The following ADAMTS14 variants were observed in gnomAD, a reference collection of about 807,000 sequenced individuals.
ADAMTS14 encodes the protein ADAM metallopeptidase with thrombospondin type 1 motif 14, also known as A disintegrin and metalloproteinase with thrombospondin motifs 14.
ADAMTS14 carries 100 observed loss-of-function variants against 128.6 expected under a neutral mutation model. The observed-to-expected ratio is 0.78, with a 90% CI of 0.66 to 0.92. The LOEUF is 0.92. Ranked by LOEUF, ADAMTS14 falls within the 40% of genes least tolerant of loss-of-function variation. The pLI is 0.00. For missense variants in ADAMTS14, 1,562 were observed against 1,658.6 expected, an observed-to-expected ratio of 0.94 and a Z score of 1.01; for synonymous variants, 665 against 653.8, an observed-to-expected ratio of 1.02 and a Z score of -0.26.
At chr10:70,716,843 C>T (rs1348996664) in intron 4 of ADAMTS14, among the ~76,000 whole-genome samples, 2 of 152,174 alleles carry the variant, frequency 1.3e-5, no homozygotes, top group Non-Finnish European at 2.9e-5. Context: ...GCCCTGGGCA[C>T]TGCTGTCAGG....
At chr10:70,704,310 T>G (rs1378180880) in intron 3 of ADAMTS14, among the ~76,000 whole-genome samples, 3 of 151,968 alleles carry the variant, frequency 2.0e-5, no homozygotes, top group Non-Finnish European at 4.4e-5. Context: ...CAGCTGCTGC[T>G]TCCTGAAAAG....
rs147807298 is a variant in ADAMTS14 at position 70,753,820 on chromosome 10, G to A, written c.2750G>A (p.Gly917Asp). ...TCCAGGTGGGTGACGGAGGAGTGGG[G>A]TGCCTGCAGCCGGAGCTGTGGGAAG... The part of the protein sequence containing the change: ...SQPVWVTEEW[G>D]ACSRSCGKLG... The change falls in exon 19 of 22, where the codon GGT (glycine) becomes GAT (aspartate). Residue 917 changes from glycine (G) to aspartate (D), a missense_variant. Coordinates refer to ENST00000373207, the MANE Select transcript of ADAMTS14 (RefSeq NM_080722.4). The A allele has an allele frequency of 3.6e-5, 57 of 1,585,642 alleles. 1 individual carries two copies. The African/African-American group carries it at 7.2e-4, about 20-fold the overall frequency.
intron 7 of ADAMTS14, among the ~76,000 whole-genome samples, chr10:70,732,763 C>A (rs1841688540): frequency 6.6e-6 from 1 of 152,204 alleles, no homozygotes; most frequent in African/African-American, 2.4e-5. Flanking sequence ...TGATCCAGCC[C>A]ACCCTGATAC....
chr10:70,703,983 T>G (rs1840574314), intron 3 of ADAMTS14, among the ~76,000 whole-genome samples: 1 of 152,218 alleles, frequency 6.6e-6, no homozygotes, highest in South Asian at 2.1e-4. Flanking sequence ...GAGCCCAGTG[T>G]GGGGAGAAGC....
intron 2 of ADAMTS14, among the ~76,000 whole-genome samples, chr10:70,700,221 G>A (rs1840453175): frequency 6.6e-6 from 1 of 152,056 alleles, no homozygotes; most frequent in South Asian, 2.1e-4. Context: ...TTTTTGTCCA[G>A]GTTTGGGCTC....
chr10:70,707,401 A>G (rs1840700047), intron 3 of ADAMTS14, among the ~76,000 whole-genome samples: 1 of 152,176 alleles, frequency 6.6e-6, no homozygotes, highest in Admixed American at 6.5e-5. Flanking sequence ...ATGAGTATCA[A>G]AGCTTCAGAG....
In ADAMTS14 at chr10:70,730,109, G is replaced by A; in HGVS notation, c.962G>A (p.Ser321Asn). The A allele has an allele frequency of 6.2e-7, 1 of 1,603,730 alleles. No individual in the cohort carries two copies. The highest frequency in any genetic ancestry group is 8.5e-7 in the Non-Finnish European group (1 of 1,177,906). The change falls in exon 6 of 22, where the codon AGC (serine) becomes AAC (asparagine). Residue 321 changes from serine to asparagine, a missense_variant. Physicochemically the swap from Ser to Asn is conservative, Grantham distance 46 (BLOSUM62 1). Coordinates refer to ENST00000373207, the MANE Select transcript of ADAMTS14 (RefSeq NM_080722.4). ...CTCTCCCGGCCCCTGCAGTCCCTGA[G>A]CCTGATCGAGCGCGGGAACCCCTCA... is the stretch of plus-strand genomic sequence containing the variant. ...LIMVGYRQSLSLIERGNPSRS... is the reference protein window; with the variant it reads ...LIMVGYRQSLNLIERGNPSRS...
At chr10:70,694,719 C>A (rs572697309) in intron 2 of ADAMTS14, among the ~76,000 whole-genome samples, 1 of 152,276 alleles carries the variant, frequency 6.6e-6, no homozygotes, top group South Asian at 2.1e-4. Context: ...TACTTCATTC[C>A]TTTCTACGGC....
At position 70,744,081 on chromosome 10, in the gene ADAMTS14, A is replaced by T; in HGVS notation, c.2074A>T (p.Lys692Ter). 6.4e-7 allele frequency: 1 copy of T among 1,564,450 alleles called. No individual in the cohort carries two copies. The highest frequency in any genetic ancestry group is 1.4e-5 in the African/African-American group (1 of 73,732). The change falls in exon 14 of 22, where the codon AAG becomes TAG. Residue 692 changes from lysine to a stop codon, truncating the protein, a stop_gained. Coordinates refer to ENST00000373207, the MANE Select transcript of ADAMTS14 (RefSeq NM_080722.4). LOFTEE classifies it high-confidence loss of function. ...RGECVPVGCD[K>*]EVGSMKADDK... ...CTGGCCTCAGCCTGTCGGCTGTGAC[A>T]AGGAGGTGGGGTCCATGAAGGCGGA...
chr10:70,753,918 A>G lies in ADAMTS14; in HGVS notation c.2848A>G (p.Lys950Glu), dbSNP rs1357153956. The G allele has an allele frequency of 1.9e-6, 3 of 1,591,440 alleles. No homozygotes were observed. The highest frequency in any genetic ancestry group is 2.7e-5 in the African/African-American group (2 of 74,722). The change falls in exon 19 of 22, where the codon AAA (lysine) becomes GAA (glutamate). Residue 950 changes from lysine (K) to glutamate (E), a missense_variant. Lys to Glu is a moderately conservative substitution (Grantham distance 56). Transcript: ENST00000373207. The stretch of plus-strand genomic sequence containing the variant: ...TGGAACCCACAAGGTCATGCCGGCC[A>G]AAGCCTGCGCCGGGGACCGGCCTGA... ...SNGTHKVMPA[K>E]ACAGDRPEAR...
In ADAMTS14 at chr10:70,702,321, A is replaced by C. The variant is rs1840518809; in HGVS notation, c.532A>C (p.Ile178Leu). Residue 178 changes from isoleucine to leucine, a missense_variant, in exon 3 of 22, where the codon ATC (isoleucine) becomes CTC (leucine). Coordinates refer to ENST00000373207, the MANE Select transcript of ADAMTS14 (RefSeq NM_080722.4). The part of the protein sequence containing the change: ...ISNCDGLAGL[I>L]RTDSTDFFIE... Reference sequence around the variant, plus strand: ...GCCGTCCCTGGTTCAGGCGGGCCTCATCCGCACAGACAGCACCGACTTCTT... The same window carrying C: ...GCCGTCCCTGGTTCAGGCGGGCCTCCTCCGCACAGACAGCACCGACTTCTT... 1.9e-6 allele frequency: 3 copies of C among 1,614,042 alleles called. No individual in the cohort carries two copies. In the South Asian group the frequency reaches 3.3e-5, roughly 18 times the overall value.
intron 2 of ADAMTS14, among the ~76,000 whole-genome samples, chr10:70,683,172 C>T (rs77592844): frequency 0.06 from 9,090 of 152,292 alleles, 527 homozygotes; most frequent in African/African-American, 0.16. Flanking sequence ...AGTCACTCTC[C>T]GTGGGCCGAG....
chr10:70,735,660 CT>C (rs1329349106), intron 9 of ADAMTS14, among the ~76,000 whole-genome samples: 1 of 152,222 alleles, frequency 6.6e-6, no homozygotes, highest in Non-Finnish European at 1.5e-5. Flanking sequence ...TGTGCCAAGT[CT>C]TTCAGTCTAA....
chr10:70,709,962 G>C (rs1840794022), intron 4 of ADAMTS14, among the ~76,000 whole-genome samples: 1 of 152,172 alleles, frequency 6.6e-6, no homozygotes, highest in South Asian at 2.1e-4. Flanking sequence ...GCCTTTGTCA[G>C]GGTGCCTGTG....
intron 19 of ADAMTS14, among the ~76,000 whole-genome samples, chr10:70,755,898 A>G (rs12763605): frequency 0.076 from 11,509 of 152,262 alleles, 564 homozygotes; most frequent in Middle Eastern, 0.12. Flanking sequence ...TTATATAGAT[A>G]TTACCCCAAT....
intron 4 of ADAMTS14, among the ~76,000 whole-genome samples, chr10:70,711,271 T>C (rs1467334424): frequency 6.6e-6 from 1 of 152,192 alleles, no homozygotes; most frequent in Non-Finnish European, 1.5e-5. Flanking sequence ...CCTATCCCCA[T>C]CCATGGCTGG....
At chr10:70,760,231 G>C in intron 21 of ADAMTS14, 129 bp from the exon 22 acceptor site, 1 of 1,275,142 alleles carries the variant, frequency 7.8e-7, no homozygotes, top group South Asian at 1.7e-5. Flanking sequence ...CTGAGAAAAA[G>C]CTTTATAGTG....
At chr10:70,718,252 T>C (rs76298647) in intron 4 of ADAMTS14, among the ~76,000 whole-genome samples, 14,289 of 152,202 alleles carry the variant, frequency 0.094, 795 homozygotes, top group East Asian at 0.19. Flanking sequence ...TCCTCTTCTT[T>C]CCTCTCTTTT....
chr10:70,726,510 T>G (rs1179144382), intron 4 of ADAMTS14, among the ~76,000 whole-genome samples: 1 of 152,106 alleles, frequency 6.6e-6, no homozygotes. Context: ...TTTACATGAG[T>G]ATGCGTGGGA....
Sources: gnomAD v4.1 joint callset for allele counts (sites outside exome capture counted in the v4.1 genomes callset) on GRCh38, gnomAD v4.1.1 for gene constraint, MANE v1.5 for transcripts, NCBI Gene and HGNC (gene_info 2026-07-23, HGNC 2026-07-21) for gene names.